FYB1: variants seen among roughly 807,000 people sequenced by gnomAD.
FYB1 encodes FYN-binding protein 1.
A neutral mutation model predicts 94.1 loss-of-function variants in FYB1; 41 were observed. The observed-to-expected ratio is 0.44, with a 90% confidence interval of 0.34 to 0.57. The LOEUF (loss-of-function observed/expected upper bound fraction) is 0.57, where lower values mean the gene tolerates loss of function less well. Among genes scored for constraint, FYB1 ranks in the 20% least tolerant of loss-of-function variants. The pLI is 0.02. For missense variants in FYB1, 1,050 were observed against 976.8 expected (o/e 1.07, Z -1.00); for synonymous variants, 367 against 353.2 (o/e 1.04, Z -0.44).
At chr5:39,252,962 G>T (rs1456081643) in intron 1 of FYB1, among the ~76,000 whole-genome samples, 1 of 152,164 alleles carries the variant, frequency 6.6e-6, no homozygotes, top group Admixed American at 6.6e-5. Context: ...GTTAGCAATT[G>T]TTATTCATAT....
intron 2 of FYB1, chr5:39,169,710 C>T (rs1342939990): frequency 1.3e-5 from 6 of 458,196 alleles, no homozygotes; most frequent in East Asian, 1.1e-4. Context: ...CCGGGCCAGT[C>T]GAAGGTTAGA....
intron 16 of FYB1, among the ~76,000 whole-genome samples, chr5:39,117,140 A>G (rs564730662): frequency 3.3e-5 from 5 of 152,208 alleles, no homozygotes; most frequent in African/African-American, 1.2e-4. Flanking sequence ...TAGACTCATC[A>G]CCTTATTGAG....
chr5:39,253,532 T>A (rs868311618), intron 1 of FYB1, among the ~76,000 whole-genome samples: 2 of 152,178 alleles, frequency 1.3e-5, no homozygotes, highest in Non-Finnish European at 2.9e-5. Context: ...TAAATGTGTG[T>A]TGTAAGGCAT....
intron 14 of FYB1, among the ~76,000 whole-genome samples, chr5:39,121,999 A>C (rs147155358): frequency 1.3e-5 from 2 of 152,242 alleles, no homozygotes; most frequent in East Asian, 1.9e-4. Context: ...CCAAGATCTT[A>C]AACATATTTC....
rs374269451 is a variant in FYB1 at position 39,201,995 on chromosome 5, C to A, written c.966G>T (p.Val322=). ...CCTGACTTTGGCCCCATGGCCCCCC[C>A]ACTGTCAGCTTAGAAGGGGCCTTAG... is the stretch of plus-strand genomic sequence containing the variant. The part of the protein sequence containing the change: ...RFPKAPSKLT[V]GGPWGQSQEK... Residue 322 remains valine (V), a synonymous_variant, in exon 2 of 19, where the codon GTG becomes GTT. Transcript: ENST00000512982. 64 of 1,614,044 alleles carry A rather than the reference C, an allele frequency of 4.0e-5. No homozygotes were observed. The highest frequency in any genetic ancestry group is 1.6e-4 in the East Asian group (7 of 44,874).
intron 16 of FYB1, 34 bp downstream of exon 16, chr5:39,118,840 A>G (rs1739805746): frequency 2.3e-6 from 3 of 1,315,084 alleles, no homozygotes; most frequent in Non-Finnish European, 3.0e-6. Context: ...AGTGACATAT[A>G]TATGCACATA....
At chr5:39,267,662 C>T (rs1752489750) in intron 1 of FYB1, among the ~76,000 whole-genome samples, 1 of 152,082 alleles carries the variant, frequency 6.6e-6, no homozygotes, top group Non-Finnish European at 1.5e-5. Context: ...GAAGTATAAC[C>T]TTTTCATGCT....
chr5:39,199,044 A>G (rs2150485828), intron 2 of FYB1, among the ~76,000 whole-genome samples: 1 of 152,004 alleles, frequency 6.6e-6, no homozygotes, highest in South Asian at 2.1e-4. Flanking sequence ...CTTAATAAAG[A>G]ATTTTCCCAT....
intron 2 of FYB1, among the ~76,000 whole-genome samples, chr5:39,187,463 A>G (rs1746934968): frequency 6.6e-6 from 1 of 152,266 alleles, no homozygotes; most frequent in Non-Finnish European, 1.5e-5. Context: ...ATACTAAAAC[A>G]TCACTGAAGA....
At chr5:39,203,196 C>A (rs1473171610) in intron 1 of FYB1, among the ~76,000 whole-genome samples, 1 of 152,154 alleles carries the variant, frequency 6.6e-6, no homozygotes, top group South Asian at 2.1e-4. Flanking sequence ...TATACTTTTT[C>A]TTTTGCTTAT....
intron 2 of FYB1, among the ~76,000 whole-genome samples, chr5:39,197,472 C>G (rs2150481121): frequency 6.6e-6 from 1 of 152,282 alleles, no homozygotes; most frequent in Non-Finnish European, 1.5e-5. Flanking sequence ...ATTTTAGGGT[C>G]TGTAGCAGCA....
In FYB1 at chr5:39,201,895, G is replaced by A. The variant is rs768187341; in HGVS notation, c.1066C>T (p.Pro356Ser). The A allele has an allele frequency of 6.2e-7, 1 of 1,613,984 alleles. No individual in the cohort carries two copies. Among genetic ancestry groups the A allele is most frequent in the Non-Finnish European group, 8.5e-7 (1 of 1,179,882 alleles). The stretch of plus-strand genomic sequence containing the variant: ...GGTGGTCTGTTGGGTTTTGGTGGAG[G>A]TGGACCCAAGGTAAACAAGGGAGGC... ...PLPPLFTLGP[P>S]PPKPNRPPNV... is the part of the protein sequence containing the mutation. Residue 356 changes from proline (P) to serine (S), a missense_variant, in exon 2 of 19, where the codon CCT (proline) becomes TCT (serine). By Grantham distance (74) the Pro-to-Ser change is moderately conservative. Coordinates refer to ENST00000512982, the MANE Select transcript of FYB1 (RefSeq NM_001465.6).
chr5:39,194,837 T>C (rs1309210974), intron 2 of FYB1, among the ~76,000 whole-genome samples: 1 of 152,168 alleles, frequency 6.6e-6, no homozygotes, highest in East Asian at 1.9e-4. Flanking sequence ...CTCAGACACG[T>C]CAACATGCAC....
At chr5:39,224,001 C>A (rs1750372075), upstream of FYB1, among the ~76,000 whole-genome samples, 1 of 152,190 alleles carries the variant, frequency 6.6e-6, no homozygotes, top group African/African-American at 2.4e-5. Flanking sequence ...TCAGCCTGTT[C>A]ATGCCTATCA....
intron 1 of FYB1, among the ~76,000 whole-genome samples, chr5:39,231,627 C>T (rs544651885): frequency 1.3e-5 from 2 of 152,182 alleles, no homozygotes; most frequent in Admixed American, 1.3e-4. Flanking sequence ...ATTTCGTGGG[C>T]TGAGAGACCA....
intron 2 of FYB1, among the ~76,000 whole-genome samples, chr5:39,154,396 G>A (rs1053511148): frequency 2.0e-5 from 3 of 151,936 alleles, no homozygotes; most frequent in African/African-American, 7.3e-5. Context: ...TCTCATTTTG[G>A]GGTGATTTTC....
chr5:39,250,090 C>T (rs1407522399), intron 1 of FYB1, among the ~76,000 whole-genome samples: 2 of 152,184 alleles, frequency 1.3e-5, no homozygotes, highest in South Asian at 2.1e-4. Context: ...CCTGCTTCCC[C>T]TTTTACCATG....
chr5:39,260,689 AG>A (rs1459881432), intron 1 of FYB1, among the ~76,000 whole-genome samples: 1 of 152,186 alleles, frequency 6.6e-6, no homozygotes, highest in African/African-American at 2.4e-5. Context: ...GAATATTTAT[AG>A]TCAGCTCAAC....
At chr5:39,176,304 C>T (rs1283789689) in intron 2 of FYB1, among the ~76,000 whole-genome samples, 1 of 151,780 alleles carries the variant, frequency 6.6e-6, no homozygotes, top group African/African-American at 2.4e-5. Flanking sequence ...GTGCGCACCA[C>T]CAGGCCCAGC....
Sources: gnomAD v4.1 joint callset for allele counts (sites outside exome capture counted in the v4.1 genomes callset) on GRCh38, gnomAD v4.1.1 for gene constraint, MANE v1.5 for transcripts, NCBI Gene and HGNC (gene_info 2026-07-23, HGNC 2026-07-21) for gene names.